The following PARVB variants were observed in gnomAD, a reference collection of about 807,000 sequenced individuals.
The protein encoded by PARVB is beta-parvin.
PARVB carries 46 observed loss-of-function variants against 47.0 expected under a neutral mutation model. The ratio of observed to expected loss-of-function variants is 0.98; its 90% CI spans 0.77 to 1.25. The LOEUF (loss-of-function observed/expected upper bound fraction) is 1.25, where lower values mean the gene tolerates loss of function less well. PARVB is among the 50% of genes most tolerant of loss of function. PARVB has a pLI of 0.00. For missense variants in PARVB, 473 were observed against 471.6 expected, an observed-to-expected ratio of 1.00 and a Z score of -0.03; for synonymous variants, 196 against 196.3, an observed-to-expected ratio of 1.00 and a Z score of 0.01.
At chr22:44,063,015 C>T (rs374824738) in intron 1 of PARVB, among the ~76,000 whole-genome samples, 1 of 152,066 alleles carries the variant, frequency 6.6e-6, no homozygotes, top group South Asian at 2.1e-4. Flanking sequence ...GTGCTCAGCC[C>T]CCACCCAGGA....
At chr22:44,077,859 G>A (rs954829342) in intron 1 of PARVB, among the ~76,000 whole-genome samples, 1 of 152,034 alleles carries the variant, frequency 6.6e-6, no homozygotes, top group Non-Finnish European at 1.5e-5. Context: ...CATGACACTC[G>A]GCTAATTTTT....
intron 1 of PARVB, among the ~76,000 whole-genome samples, chr22:44,048,555 T>C (rs1322685027): frequency 6.6e-6 from 1 of 151,664 alleles, no homozygotes; most frequent in Admixed American, 6.6e-5. Flanking sequence ...TATTTTTTAA[T>C]TTTATTTTTA....
chr22:44,099,922 T>C (rs559632519), intron 2 of PARVB, 131 bp from the exon 3 acceptor site: 1 of 723,968 alleles, frequency 1.4e-6, no homozygotes, highest in East Asian at 2.6e-5. Flanking sequence ...GGCGGTTCCT[T>C]GCAGTCACCC....
At chr22:44,151,187 G>T in intron 9 of PARVB, 1 of 298,106 alleles carries the variant, frequency 3.4e-6, no homozygotes, top group South Asian at 5.0e-5. Context: ...TTTCTTAAGA[G>T]CACAGGGTGC....
At chr22:44,065,221 T>G (rs899316678) in intron 1 of PARVB, among the ~76,000 whole-genome samples, 1 of 152,136 alleles carries the variant, frequency 6.6e-6, no homozygotes, top group African/African-American at 2.4e-5. Context: ...TCAGGGGACG[T>G]GGTGGTACCA....
At position 44,049,610 on chromosome 22, in the gene PARVB, A is replaced by T. The variant is rs1317976118; in HGVS notation, c.112+25159A>T. On this transcript the variant is annotated intron_variant, in intron 1 of 12. Transcript: ENST00000338758. This position sits in a 1 kb window ranked among gnomAD's most constrained non-coding sequence, Gnocchi z 4.0. The stretch of plus-strand genomic sequence containing the variant: ...GAGGAAGCGGCCCCACTCCCAGCAC[A>T]GCCCCATTGATTGGCTTTTATTTTC... Among the ~76,000 whole-genome samples the T allele has an allele frequency of 1.3e-5, 2 of 152,266 alleles. No homozygotes were observed. Among genetic ancestry groups the T allele is most frequent in the African/African-American group, 4.8e-5 (2 of 41,470 alleles).
chr22:44,085,203 G>A (rs557874738), intron 1 of PARVB, among the ~76,000 whole-genome samples: 7 of 152,176 alleles, frequency 4.6e-5, no homozygotes, highest in Non-Finnish European at 8.8e-5. Context: ...CCCTGGGCTC[G>A]AGTGATCCTC....
At chr22:44,092,551 C>G (rs2052195960) in intron 1 of PARVB, among the ~76,000 whole-genome samples, 1 of 152,180 alleles carries the variant, frequency 6.6e-6, no homozygotes, top group Non-Finnish European at 1.5e-5. Context: ...TGCCATTGTC[C>G]TTATGAAGGA....
Position 44,147,753 on chromosome 22 carries a change from G to GT in PARVB, c.713-106dup, listed in dbSNP as rs760407133. On this transcript the variant is annotated intron_variant, in intron 8 of 12. Transcript: ENST00000338758. ...GGAAGGATTCTAGGCAGGTGTGGGA[G>GT]TTGAGGCTGAACCTCCTGAGGGATC... 1.0e-5 allele frequency: 9 copies of GT among 871,342 alleles called. No homozygotes were observed. In the Admixed American group the frequency reaches 1.4e-4, roughly 13 times the overall value. 54.0% of individuals were successfully genotyped at this position (871,342 alleles called of 1,614,324 possible). A position where few individuals can be genotyped will look rare whatever the true frequency, so the allele number is the denominator to read the frequency against.
At chr22:44,158,384 G>A (rs2147169702) in intron 11 of PARVB, among the ~76,000 whole-genome samples, 1 of 152,246 alleles carries the variant, frequency 6.6e-6, no homozygotes. Flanking sequence ...CCCCCATTCT[G>A]CTGCAGCTCC....
chr22:44,083,133 C>T (rs756705769), intron 1 of PARVB, among the ~76,000 whole-genome samples: 1 of 152,138 alleles, frequency 6.6e-6, no homozygotes, highest in Non-Finnish European at 1.5e-5. Flanking sequence ...TTGTGAAACA[C>T]GACTGCCAGG....
intron 10 of PARVB, among the ~76,000 whole-genome samples, chr22:44,156,426 T>C (rs925168191): frequency 1.3e-5 from 2 of 151,870 alleles, no homozygotes; most frequent in Non-Finnish European, 1.5e-5. Flanking sequence ...ATTACAGGCA[T>C]GCACCACCAC....
chr22:44,152,806 A>G (rs550654060), intron 10 of PARVB: 5 of 152,298 alleles, frequency 3.3e-5, no homozygotes, highest in African/African-American at 1.2e-4. Context: ...CTTGGTACAG[A>G]CATCCCTAAT....
chr22:44,024,578 G>C, intron 1 of PARVB, 127 bp downstream of exon 1: 1 of 331,492 alleles, frequency 3.0e-6, no homozygotes, highest in Non-Finnish European at 4.6e-6. Context: ...GCGGCTGCGC[G>C]ACCTTCGGGA....
Position 44,140,150 on chromosome 22 carries a change from A to G in PARVB, c.712+7A>G, listed in dbSNP as rs1382213900. On this transcript the variant is annotated splice_region_variant and intron_variant, in intron 8 of 12. Coordinates refer to ENST00000338758, the MANE Select transcript of PARVB (RefSeq NM_013327.5). ...ATGATGATGGGCCGGTTCGGTAAGT[A>G]ACCCCAGGGAAAGTGGGGAGATGGA... 1.3e-6 allele frequency: 2 copies of G among 1,550,386 alleles called. No individual in the cohort carries two copies. Among genetic ancestry groups the G allele is most frequent in the Admixed American group, 3.6e-5 (2 of 54,864 alleles).
intron 10 of PARVB, chr22:44,153,005 G>A (rs377571296): frequency 3.0e-4 from 46 of 152,302 alleles, no homozygotes; most frequent in Admixed American, 1.4e-3. Flanking sequence ...TGCACAGAGG[G>A]TTTTGTTCAG....
At chr22:44,162,123 G>A (rs184499865) in intron 11 of PARVB, among the ~76,000 whole-genome samples, 10 of 152,156 alleles carry the variant, frequency 6.6e-5, no homozygotes, top group African/African-American at 1.9e-4. Flanking sequence ...TTGCTTCTCC[G>A]AGCACAGGCC....
intron 12 of PARVB, among the ~76,000 whole-genome samples, chr22:44,164,726 C>G (rs1236544191): frequency 6.6e-6 from 1 of 152,190 alleles, no homozygotes. Flanking sequence ...TAGCCCTGCT[C>G]CCTCTCCTGA....
At chr22:44,119,015 C>G in intron 3 of PARVB, 23 bp from the exon 4 acceptor site, 1 of 1,547,204 alleles carries the variant, frequency 6.5e-7, no homozygotes. Context: ...GGACTGAGGC[C>G]ATAATGCCTG....
Sources: gnomAD v4.1 joint callset for allele counts (sites outside exome capture counted in the v4.1 genomes callset) on GRCh38, gnomAD v4.1.1 for gene constraint, Gnocchi (gnomAD v3.1) non-coding constraint, MANE v1.5 for transcripts, NCBI Gene and HGNC (gene_info 2026-07-23, HGNC 2026-07-21) for gene names.